Variants in EFCAB6 observed in about 807,000 individuals in gnomAD.
The protein encoded by EFCAB6 is EF-hand calcium-binding domain-containing protein 6.
Under a neutral mutation model 169.8 loss-of-function variants are expected in EFCAB6, and 156 were observed. The observed-to-expected ratio is 0.92, with a 90% CI of 0.81 to 1.05. The LOEUF (loss-of-function observed/expected upper bound fraction) is 1.05. EFCAB6 is among the 50% of genes least tolerant of loss of function. The probability of loss-of-function intolerance (pLI) is 0.00; values close to 1 mark genes in which losing one functional copy is unlikely to be tolerated. For synonymous variants in EFCAB6, 698 were observed against 676.4 expected (o/e 1.03, Z -0.50); for missense variants, 1,800 against 1,829.1 (o/e 0.98, Z 0.29).
In EFCAB6 at chr22:43,755,841, TA is replaced by T. The variant is rs374847284; in HGVS notation, c.441-10del. On this transcript the variant is annotated splice_polypyrimidine_tract_variant and intron_variant, in intron 5 of 31. Coordinates refer to ENST00000262726, the MANE Select transcript of EFCAB6 (RefSeq NM_022785.4). ...TTTCATTCCCACCTCCCCTTAGAAATAAAAAAAAAATCTTTATTAAAACATT... is the reference window on the plus strand; with the variant it reads ...TTTCATTCCCACCTCCCCTTAGAAATAAAAAAAAATCTTTATTAAAACATT... 3,436 of 1,483,336 alleles carry T rather than the reference TA, an allele frequency of 2.3e-3. 11 individuals carry two copies. Among genetic ancestry groups the T allele is most frequent in the African/African-American group, 0.019 (1,288 of 69,586 alleles). The allele number at this position is 1,483,336 out of a possible 1,614,324, so 91.9% of individuals were successfully genotyped here. A position where few individuals can be genotyped will look rare whatever the true frequency, so the allele number is the denominator to read the frequency against.
chr22:43,738,088 A>G lies in EFCAB6; in HGVS notation c.508-2095T>C, dbSNP rs183403627. 3.2e-4 allele frequency among the ~76,000 whole-genome samples: 48 copies of G among 151,564 alleles called. 1 individual carries two copies. The highest frequency in any genetic ancestry group is 1.2e-3 in the African/African-American group (48 of 41,288). ...AATATATTCACACACACATACATGC[A>G]GATACATGCACACACACCATCACAC... On this transcript the variant is annotated intron_variant, in intron 6 of 31. Transcript: ENST00000262726.
chr22:43,783,458 G>A (rs1328625956), intron 2 of EFCAB6, among the ~76,000 whole-genome samples: 1 of 152,152 alleles, frequency 6.6e-6, no homozygotes, highest in Non-Finnish European at 1.5e-5. Context: ...CTCTGCACAA[G>A]CAGGAAATGA....
At chr22:43,672,776 T>C (rs998418363) in intron 13 of EFCAB6, among the ~76,000 whole-genome samples, 3 of 152,116 alleles carry the variant, frequency 2.0e-5, no homozygotes, top group Admixed American at 2.0e-4. Flanking sequence ...TAATGGGTAC[T>C]AGGCTTAATA....
chr22:43,691,468 A>G (rs2058409998), intron 10 of EFCAB6, among the ~76,000 whole-genome samples: 1 of 152,140 alleles, frequency 6.6e-6, no homozygotes, highest in Non-Finnish European at 1.5e-5. Context: ...GAGATTAAGA[A>G]GTTAAATGTA....
chr22:43,697,973 A>G (rs1161820046), intron 10 of EFCAB6, among the ~76,000 whole-genome samples: 3 of 152,200 alleles, frequency 2.0e-5, no homozygotes, highest in Non-Finnish European at 4.4e-5. Flanking sequence ...ATGGGAATTC[A>G]TGGTCTTTTG....
intron 2 of EFCAB6, among the ~76,000 whole-genome samples, chr22:43,796,818 T>TTGC (rs2062527142): frequency 6.6e-6 from 1 of 152,204 alleles, no homozygotes; most frequent in South Asian, 2.1e-4. Context: ...ACTAGAAGTC[T>TTGC]TGCTGCTGCT....
Position 43,576,326 on chromosome 22 carries a change from G to GA in EFCAB6, c.3390dup (p.Leu1131SerfsTer5), listed in dbSNP as rs2050254307. On this transcript the variant is annotated frameshift_variant, in exon 26 of 32. Transcript: ENST00000262726. LOFTEE classifies it high-confidence loss of function. ...TCAAGGAAACAGCTAAAGTTCTGGA[G>GA]AAAATATTTCCAATTTATATAGGGG... 6.3e-7 allele frequency: 1 copy of GA among 1,594,486 alleles called. No homozygotes were observed. The highest frequency in any genetic ancestry group is 1.9e-5 in the Admixed American group (1 of 53,922).
chr22:43,558,622 G>A (rs1232913406), intron 26 of EFCAB6, among the ~76,000 whole-genome samples: 1 of 152,134 alleles, frequency 6.6e-6, no homozygotes, highest in Non-Finnish European at 1.5e-5. Context: ...TTAAGGAATT[G>A]GCAGTGCCAC....
chr22:43,674,670 C>T (rs1054312039), intron 13 of EFCAB6, among the ~76,000 whole-genome samples: 22 of 152,210 alleles, frequency 1.4e-4, no homozygotes, highest in Admixed American at 1.2e-3. Flanking sequence ...GGATTGCTTA[C>T]GTGTCTACGT....
At chr22:43,648,359 G>A (rs771830633) in intron 17 of EFCAB6, among the ~76,000 whole-genome samples, 7 of 152,234 alleles carry the variant, frequency 4.6e-5, no homozygotes, top group South Asian at 2.1e-4. Context: ...CATGCACACC[G>A]TGGAATACTA....
At chr22:43,763,040 C>T (rs140620737) in intron 5 of EFCAB6, among the ~76,000 whole-genome samples, 135 of 152,124 alleles carry the variant, frequency 8.9e-4, no homozygotes, top group African/African-American at 3.3e-3. Context: ...AGCTGCTGCA[C>T]TCATTCATTT....
At chr22:43,656,378 G>T (rs563404953) in intron 17 of EFCAB6, among the ~76,000 whole-genome samples, 48 of 150,556 alleles carry the variant, frequency 3.2e-4, no homozygotes, top group African/African-American at 1.2e-3. Context: ...GGCAACAAGA[G>T]CAAAACGCCA....
Position 43,678,123 on chromosome 22 carries a change from A to G in EFCAB6, c.1292T>C (p.Ile431Thr), listed in dbSNP as rs2057845841. The change falls in exon 13 of 32, where the codon ATT (isoleucine) becomes ACT (threonine). Residue 431 changes from isoleucine (I) to threonine (T), a missense_variant. Physicochemically the swap from Ile to Thr is moderately conservative, Grantham distance 89 (BLOSUM62 -1). Transcript: ENST00000262726. Reference sequence around the variant, plus strand: ...TAGTTTTACAGCCATGCAATTTAGAATATATCGAAATTCTTCTCTTGTTAT... The same window carrying G: ...TAGTTTTACAGCCATGCAATTTAGAGTATATCGAAATTCTTCTCTTGTTAT... ...GPITREEFRYILNCMAVKLSD... is the reference protein window; with the variant it reads ...GPITREEFRYTLNCMAVKLSD... The G allele has an allele frequency of 6.2e-7, 1 of 1,613,524 alleles. No individual in the cohort carries two copies. The highest frequency in any genetic ancestry group is 8.5e-7 in the Non-Finnish European group (1 of 1,179,842).
intron 23 of EFCAB6, among the ~76,000 whole-genome samples, chr22:43,596,447 G>A (rs1409392232): frequency 6.6e-6 from 1 of 151,944 alleles, no homozygotes; most frequent in African/African-American, 2.4e-5. Flanking sequence ...ATTTCTATAT[G>A]TTAACAGTGA....
intron 18 of EFCAB6, among the ~76,000 whole-genome samples, chr22:43,633,111 AG>A (rs1378810275): frequency 3.3e-5 from 5 of 152,182 alleles, no homozygotes; most frequent in Non-Finnish European, 7.4e-5. Flanking sequence ...GGTGAGGCTC[AG>A]GGGTCCCCGG....
chr22:43,757,536 A>C (rs2061002092), intron 5 of EFCAB6, among the ~76,000 whole-genome samples: 1 of 152,234 alleles, frequency 6.6e-6, no homozygotes, highest in Admixed American at 6.5e-5. Context: ...AACAACAGCG[A>C]AACTCCATCT....
intron 22 of EFCAB6, among the ~76,000 whole-genome samples, chr22:43,601,394 T>C (rs1206085417): frequency 2.0e-5 from 3 of 152,262 alleles, no homozygotes; most frequent in Admixed American, 6.5e-5. Flanking sequence ...TCGATAAAAA[T>C]GGCATTCGCA....
At chr22:43,634,478 A>G (rs137728) in intron 18 of EFCAB6, among the ~76,000 whole-genome samples, 67,314 of 151,924 alleles carry the variant, frequency 0.44, 16,895 homozygotes, top group African/African-American at 0.7. Flanking sequence ...CCTGCATTCC[A>G]CCCTGCCAGC....
intron 20 of EFCAB6, among the ~76,000 whole-genome samples, chr22:43,625,446 C>T (rs139364564): frequency 2.0e-5 from 3 of 152,294 alleles, no homozygotes; most frequent in East Asian, 3.9e-4. Context: ...TCATTCATGT[C>T]GGCTCTCGGC....
Sources: gnomAD v4.1 joint callset for allele counts (sites outside exome capture counted in the v4.1 genomes callset) on GRCh38, gnomAD v4.1.1 for gene constraint, MANE v1.5 for transcripts, NCBI Gene and HGNC (gene_info 2026-07-23, HGNC 2026-07-21) for gene names.